ANK2: variants seen among roughly 807,000 people sequenced by gnomAD.
ANK2 encodes the protein ankyrin-2.
ANK2 carries 83 observed loss-of-function variants against 360.5 expected under a neutral mutation model. That is an observed-to-expected ratio of 0.23 (90% confidence interval 0.19 to 0.28). ANK2 has a LOEUF of 0.28. Among genes scored for constraint, ANK2 ranks in the 10% least tolerant of loss-of-function variants. ANK2 has a pLI of 1.00. For missense variants in ANK2, 4,201 were observed against 4,795.7 expected (o/e 0.88, Z 3.66); for synonymous variants, 1,740 against 1,759.5 (o/e 0.99, Z 0.28).
chr4:112,960,433 G>A (rs139653723), intron 2 of ANK2, among the ~76,000 whole-genome samples: 213 of 151,722 alleles, frequency 1.4e-3, no homozygotes, highest in South Asian at 5.6e-3. Flanking sequence ...TATACCAGAC[G>A]CATATAAAAA....
upstream of ANK2, among the ~76,000 whole-genome samples, chr4:112,817,577 G>A (rs1345004858): frequency 2.0e-5 from 3 of 151,998 alleles, no homozygotes; most frequent in African/African-American, 7.3e-5. Flanking sequence ...ACTAAACTCA[G>A]TGGTGACTAG....
intron 1 of ANK2, among the ~76,000 whole-genome samples, chr4:113,156,558 G>C (rs1027227515): frequency 4.0e-5 from 6 of 151,520 alleles, no homozygotes; most frequent in Non-Finnish European, 8.8e-5. Flanking sequence ...ATTTAGTAGA[G>C]ATAGGGTTTC....
intron 1 of ANK2, among the ~76,000 whole-genome samples, chr4:113,121,794 A>C (rs2095375516): frequency 6.6e-6 from 1 of 152,118 alleles, no homozygotes; most frequent in African/African-American, 2.4e-5. Flanking sequence ...ATTTGCTTTT[A>C]AAAATGTACA....
At chr4:112,922,921 A>G (rs928167814) in intron 2 of ANK2, among the ~76,000 whole-genome samples, 2 of 152,178 alleles carry the variant, frequency 1.3e-5, no homozygotes, top group African/African-American at 4.8e-5. Flanking sequence ...ATTATAAAAG[A>G]TAAGTTGTTT....
intron 2 of ANK2, among the ~76,000 whole-genome samples, chr4:112,985,999 A>G (rs572451486): frequency 1.4e-5 from 2 of 148,034 alleles, no homozygotes; most frequent in African/African-American, 4.9e-5. Context: ...AAATAAAATT[A>G]TATATAAATA....
chr4:112,941,571 T>C (rs1337271549), intron 2 of ANK2, among the ~76,000 whole-genome samples: 3 of 144,134 alleles, frequency 2.1e-5, no homozygotes, highest in African/African-American at 7.5e-5. Context: ...TCTATAAATA[T>C]ATCTTTATAT....
At chr4:112,749,829 T>C in the ANK2 span, among the ~76,000 whole-genome samples, 10 of 152,000 alleles carry the variant, frequency 6.6e-5, no homozygotes, top group Non-Finnish European at 2.9e-5. Flanking sequence ...CACTGCAACC[T>C]CCGCCTCCCA....
At chr4:113,149,825 T>C (rs2096970174) in intron 1 of ANK2, among the ~76,000 whole-genome samples, 1 of 137,780 alleles carries the variant, frequency 7.3e-6, no homozygotes, top group Admixed American at 8.1e-5. Flanking sequence ...TGCAGTGAAC[T>C]TTGATCGTAC....
At chr4:113,097,891 C>CATAT (rs756033599) in intron 1 of ANK2, among the ~76,000 whole-genome samples, 113 of 136,846 alleles carry the variant, frequency 8.3e-4, no homozygotes, top group Middle Eastern at 3.8e-3. Context: ...CACACACACA[C>CATAT]GCACACACAC....
chr4:113,147,157 G>A (rs1193268889), intron 1 of ANK2, among the ~76,000 whole-genome samples: 3 of 152,158 alleles, frequency 2.0e-5, no homozygotes, highest in African/African-American at 7.2e-5. Flanking sequence ...GGAGGTCACC[G>A]TAGTCAAAAA....
In ANK2 at chr4:112,952,500, G is replaced by A. The variant is rs546852496; in HGVS notation, c.21+47986G>A. ...TGTTCTGGGGAAGCTGCAGAGCCAT[G>A]AAAGAGACCATTCTTTGAGCTCTAA... On this transcript the variant is annotated intron_variant, in intron 2 of 30. Coordinates refer to the ANK2 transcript ENST00000503271. Among the ~76,000 whole-genome samples, 47 of 152,310 alleles carry A rather than the reference G, an allele frequency of 3.1e-4. No homozygotes were observed. In the South Asian group the frequency reaches 9.6e-3, roughly 31 times the overall value.
the ANK2 span, among the ~76,000 whole-genome samples, chr4:112,778,258 C>A: frequency 2.0e-5 from 3 of 152,244 alleles, no homozygotes; most frequent in East Asian, 5.8e-4. Context: ...GTGTGAGCCA[C>A]CACACCTGGC....
chr4:112,844,086 A>G (rs1579516793), intron 1 of ANK2, among the ~76,000 whole-genome samples: 1 of 152,324 alleles, frequency 6.6e-6, no homozygotes, highest in East Asian at 1.9e-4. Context: ...AAAATTTACT[A>G]TTGTGAATAG....
At chr4:112,954,229 CCCTTCCTTCCTTCCTTCCTTGCTT>C (rs2095220938) in intron 2 of ANK2, among the ~76,000 whole-genome samples, 1 of 141,374 alleles carries the variant, frequency 7.1e-6, no homozygotes, top group Non-Finnish European at 1.5e-5. Context: ...CTCCCTCCCT[CCCTTCCTTCCTTCCTTCCTTGCTT>C]CCTTCCTACC....
chr4:113,370,150 C>T (rs543550362), intron 43 of ANK2, among the ~76,000 whole-genome samples: 8 of 152,268 alleles, frequency 5.3e-5, no homozygotes, highest in Admixed American at 2.0e-4. Flanking sequence ...AGATTAGCAG[C>T]ACCAGGTAAG....
intron 1 of ANK2, among the ~76,000 whole-genome samples, chr4:113,125,707 G>T (rs2095624818): frequency 6.6e-6 from 1 of 152,130 alleles, no homozygotes; most frequent in Non-Finnish European, 1.5e-5. Flanking sequence ...GATTAAGACA[G>T]TTGGTAGAAT....
chr4:113,189,334 G>A (rs867161026), intron 2 of ANK2, among the ~76,000 whole-genome samples: 5 of 152,056 alleles, frequency 3.3e-5, no homozygotes, highest in Non-Finnish European at 5.9e-5. Flanking sequence ...TGCCAAATTT[G>A]GCTTATTTTT....
intron 1 of ANK2, among the ~76,000 whole-genome samples, chr4:112,872,398 C>T (rs983453859): frequency 1.9e-4 from 29 of 151,732 alleles, no homozygotes; most frequent in African/African-American, 7.0e-4. Flanking sequence ...AGTGCAATGG[C>T]ATGATCTCGG....
chr4:113,145,633 T>C, intron 1 of ANK2: 1 of 1,104,642 alleles, frequency 9.1e-7, no homozygotes, highest in East Asian at 6.3e-5. Context: ...TGGCAGCGCC[T>C]GCACTGGAAA....
Sources: gnomAD v4.1 joint callset for allele counts (sites outside exome capture counted in the v4.1 genomes callset) on GRCh38, gnomAD v4.1.1 for gene constraint, MANE v1.5 for transcripts, NCBI Gene and HGNC (gene_info 2026-07-23, HGNC 2026-07-21) for gene names.